PCGF5: variants seen among roughly 807,000 people sequenced by gnomAD.
PCGF5 encodes polycomb group RING finger protein 5.
PCGF5 carries 9 observed loss-of-function variants against 44.3 expected under a neutral mutation model. The observed-to-expected ratio is 0.20, with a 90% confidence interval of 0.12 to 0.35. PCGF5 has a LOEUF of 0.35. PCGF5 is among the 10% of genes least tolerant of loss of function. The pLI, the probability that PCGF5 is intolerant of heterozygous loss-of-function variation, is 1.00. For missense variants in PCGF5, 146 were observed against 305.3 expected (o/e 0.48, Z 3.89); for synonymous variants, 95 against 102.5 (o/e 0.93, Z 0.44).
At chr10:91,259,526 A>G (rs1411722782) in intron 6 of PCGF5, among the ~76,000 whole-genome samples, 1 of 152,204 alleles carries the variant, frequency 6.6e-6, no homozygotes, top group South Asian at 2.1e-4. Context: ...ATCCTAAGCC[A>G]AAAGAACAAA....
chr10:91,267,701 C>T (rs1846080542), intron 8 of PCGF5, among the ~76,000 whole-genome samples: 1 of 152,228 alleles, frequency 6.6e-6, no homozygotes, highest in East Asian at 1.9e-4. Flanking sequence ...ACGAATGCAG[C>T]AGTATCACTA....
intron 1 of PCGF5, among the ~76,000 whole-genome samples, chr10:91,210,153 G>A (rs1185966082): frequency 1.3e-5 from 2 of 152,138 alleles, no homozygotes; most frequent in East Asian, 3.9e-4. Context: ...CTAGAGGGAT[G>A]GGCCCCCACC....
At chr10:91,166,752 A>G (rs991717711) in intron 1 of PCGF5, among the ~76,000 whole-genome samples, 1 of 152,224 alleles carries the variant, frequency 6.6e-6, no homozygotes, top group African/African-American at 2.4e-5. Context: ...TTCCACAGCA[A>G]GTTACTTAAC....
intron 2 of PCGF5, among the ~76,000 whole-genome samples, chr10:91,228,319 T>G (rs1323299979): frequency 6.6e-6 from 1 of 152,094 alleles, no homozygotes; most frequent in East Asian, 1.9e-4. Context: ...ACCAATACAG[T>G]GTATTGGTTC....
chr10:91,166,457 C>G (rs554628290), intron 1 of PCGF5, among the ~76,000 whole-genome samples: 39 of 152,228 alleles, frequency 2.6e-4, no homozygotes, highest in African/African-American at 9.1e-4. Flanking sequence ...TTTCTGACAA[C>G]AGAATTAGAT....
intron 1 of PCGF5, among the ~76,000 whole-genome samples, chr10:91,173,595 T>TTTTTTTTTTTC (rs71025342): frequency 2.3e-4 from 32 of 140,824 alleles, no homozygotes; most frequent in Non-Finnish European, 3.0e-4. Flanking sequence ...TTTTTTTTTT[T>TTTTTTTTTTTC]CCCACAGAAG....
chr10:91,169,055 C>T (rs1202059152), intron 1 of PCGF5, among the ~76,000 whole-genome samples: 2 of 149,296 alleles, frequency 1.3e-5, no homozygotes, highest in Non-Finnish European at 3.0e-5. Context: ...GCAATTAATA[C>T]ACTAGGCTCT....
At chr10:91,258,858 A>G (rs1287710898) in intron 6 of PCGF5, among the ~76,000 whole-genome samples, 1 of 152,166 alleles carries the variant, frequency 6.6e-6, no homozygotes, top group African/African-American at 2.4e-5. Context: ...GGTCTTTGCC[A>G]GGAAATATGT....
At chr10:91,254,679 G>T (rs1466540593) in intron 6 of PCGF5, among the ~76,000 whole-genome samples, 1 of 152,056 alleles carries the variant, frequency 6.6e-6, no homozygotes, top group Non-Finnish European at 1.5e-5. Context: ...TGCATGTATA[G>T]TTTATACAGA....
the PCGF5 span, among the ~76,000 whole-genome samples, chr10:91,156,356 T>C: frequency 6.6e-6 from 1 of 152,186 alleles, no homozygotes; most frequent in Non-Finnish European, 1.5e-5. Flanking sequence ...CATTTGATGA[T>C]TGTGGTGCAA....
chr10:91,188,382 A>T (rs1349071683), intron 1 of PCGF5, among the ~76,000 whole-genome samples: 1 of 152,234 alleles, frequency 6.6e-6, no homozygotes, highest in African/African-American at 2.4e-5. Flanking sequence ...GCTTTAGTTC[A>T]GTTCAAATGT....
At chr10:91,173,570 G>A (rs1320582036) in intron 1 of PCGF5, among the ~76,000 whole-genome samples, 1 of 70,186 alleles carries the variant, frequency 1.4e-5, no homozygotes, top group Non-Finnish European at 2.7e-5. Context: ...TCTGCTAGAG[G>A]GAGTTGGCTT....
At chr10:91,277,867 A>C (rs1391955510) in intron 9 of PCGF5, among the ~76,000 whole-genome samples, 2 of 152,072 alleles carry the variant, frequency 1.3e-5, no homozygotes, top group Non-Finnish European at 2.9e-5. Context: ...GGCTCTCACC[A>C]GCCTAAGCTT....
In PCGF5 at chr10:91,222,922, C is replaced by A; in HGVS notation, c.51C>A (p.Thr17=). The change falls in exon 2 of 10, where the codon ACC becomes ACA. Residue 17 remains threonine, a synonymous_variant. Transcript: ENST00000336126. The stretch of plus-strand genomic sequence containing the variant: ...TGAAAGATTTTAATCCTTACATTAC[C>A]TGCTATATCTGTAAAGGGTATCTGA... ...HLVKDFNPYI[T]CYICKGYLIK... The A allele has an allele frequency of 6.2e-7, 1 of 1,613,638 alleles. No homozygotes were observed. Among genetic ancestry groups the A allele is most frequent in the Non-Finnish European group, 8.5e-7 (1 of 1,179,516 alleles).
intron 2 of PCGF5, chr10:91,227,439 C>A (rs1589380395): frequency 1.6e-6 from 2 of 1,289,342 alleles, no homozygotes; most frequent in East Asian, 1.1e-4. Context: ...GTTATCCAAG[C>A]AAGAAATATG....
upstream of PCGF5, among the ~76,000 whole-genome samples, chr10:91,160,483 G>A (rs1843363413): frequency 6.6e-6 from 1 of 151,920 alleles, no homozygotes; most frequent in African/African-American, 2.4e-5. Context: ...AAATGAGAAC[G>A]TTTGTAAAAT....
chr10:91,191,583 C>G (rs1356461756), intron 1 of PCGF5, among the ~76,000 whole-genome samples: 1 of 152,136 alleles, frequency 6.6e-6, no homozygotes, highest in African/African-American at 2.4e-5. Flanking sequence ...TGTAGGTAAT[C>G]TAGTCAGACA....
In PCGF5 at chr10:91,256,017, A is replaced by T. The variant is rs1440236979; in HGVS notation, c.474+4577A>T. The stretch of plus-strand genomic sequence containing the variant: ...TGTTATTTTTATTGTTTTTAAAAAT[A>T]TTTTTGATCTGTGATTGCTTGAATT... On this transcript the variant is annotated intron_variant, in intron 6 of 9. Coordinates refer to ENST00000336126, the MANE Select transcript of PCGF5 (RefSeq NM_032373.5). 2.6e-5 allele frequency among the ~76,000 whole-genome samples: 4 copies of T among 152,174 alleles called. No homozygotes were observed. In the East Asian group the frequency reaches 7.7e-4, roughly 29 times the overall value.
chr10:91,208,772 A>G (rs541670486), intron 1 of PCGF5, among the ~76,000 whole-genome samples: 4 of 152,292 alleles, frequency 2.6e-5, no homozygotes, highest in African/African-American at 9.6e-5. Context: ...CTGAACTTTC[A>G]GGGAGCTGGC....
Sources: allele counts gnomAD v4.1 joint callset (sites outside exome capture counted in the v4.1 genomes callset), GRCh38; gene constraint gnomAD v4.1.1; transcripts MANE v1.5; gene names NCBI Gene and HGNC (gene_info 2026-07-23, HGNC 2026-07-21).